ATOSA: variants seen among roughly 807,000 people sequenced by gnomAD.
ATOSA encodes atos homolog protein A.
the ATOSA span, among the ~76,000 whole-genome samples, chr15:52,629,062 C>T: frequency 6.6e-6 from 1 of 152,208 alleles, no homozygotes; most frequent in Non-Finnish European, 1.5e-5. Context: ...AGCCTTCAAT[C>T]TATAAGTGTC....
At chr15:52,693,480 G>C in the ATOSA span, among the ~76,000 whole-genome samples, 1 of 152,152 alleles carries the variant, frequency 6.6e-6, no homozygotes, top group African/African-American at 2.4e-5. Context: ...TAGTACTGTG[G>C]TTGGATATAT....
chr15:52,609,010 T>G, the ATOSA span: 1 of 1,613,330 alleles, frequency 6.2e-7, no homozygotes, highest in Non-Finnish European at 8.5e-7. Context: ...ATCAATTCCA[T>G]TGCTCATTTC....
At chr15:52,652,509 T>A in the ATOSA span, among the ~76,000 whole-genome samples, 3 of 152,200 alleles carry the variant, frequency 2.0e-5, no homozygotes, top group African/African-American at 7.2e-5. Context: ...GAACTTTATA[T>A]AAAGTATTTT....
the ATOSA span, among the ~76,000 whole-genome samples, chr15:52,583,390 GTCATTCATTCAT>G: frequency 1.3e-5 from 2 of 150,872 alleles, no homozygotes; most frequent in Admixed American, 6.6e-5. Flanking sequence ...TTCATACCAT[GTCATTCATTCAT>G]TCATTCATTC....
chr15:52,665,465 C>T, the ATOSA span, among the ~76,000 whole-genome samples: 3 of 152,114 alleles, frequency 2.0e-5, no homozygotes, highest in Non-Finnish European at 4.4e-5. Context: ...GTGAGTTTTG[C>T]TCATACATTA....
chr15:52,609,194 CT>C, the ATOSA span: 2 of 1,612,810 alleles, frequency 1.2e-6, no homozygotes, highest in Non-Finnish European at 1.7e-6. Context: ...GAACACTTTT[CT>C]TTACTATTAT....
At chr15:52,704,082 A>C in the ATOSA span, among the ~76,000 whole-genome samples, 3 of 152,170 alleles carry the variant, frequency 2.0e-5, no homozygotes, top group Non-Finnish European at 2.9e-5. Context: ...AAAAAGAAAA[A>C]TAGGAAGGAC....
the ATOSA span, among the ~76,000 whole-genome samples, chr15:52,697,902 C>T: frequency 1.3e-5 from 2 of 149,714 alleles, no homozygotes; most frequent in Admixed American, 6.7e-5. Context: ...ACTACCACCC[C>T]AGAAAGGCTC....
the ATOSA span, among the ~76,000 whole-genome samples, chr15:52,616,881 C>T: frequency 2.6e-5 from 4 of 152,150 alleles, no homozygotes; most frequent in African/African-American, 7.2e-5. Flanking sequence ...TGATTCCTGA[C>T]AATGTTCCAG....
At chr15:52,706,333 A>G in the ATOSA span, among the ~76,000 whole-genome samples, 1 of 152,236 alleles carries the variant, frequency 6.6e-6, no homozygotes, top group African/African-American at 2.4e-5. Flanking sequence ...GATCTTGACT[A>G]GCCTCAGTCT....
the ATOSA span, among the ~76,000 whole-genome samples, chr15:52,680,229 C>T: frequency 1.3e-5 from 2 of 151,990 alleles, no homozygotes; most frequent in Admixed American, 1.3e-4. Context: ...TGACAGGAAT[C>T]TGCTGTACTT....
At chr15:52,665,380 C>T in the ATOSA span, among the ~76,000 whole-genome samples, 2 of 152,130 alleles carry the variant, frequency 1.3e-5, no homozygotes, top group South Asian at 2.1e-4. Context: ...AAACAAGATA[C>T]AAATCAGATA....
At chr15:52,685,835 G>A in the ATOSA span, among the ~76,000 whole-genome samples, 1 of 152,178 alleles carries the variant, frequency 6.6e-6, no homozygotes, top group African/African-American at 2.4e-5. Context: ...AGCCTCTGGA[G>A]TAGGTAGGCC....
the ATOSA span, among the ~76,000 whole-genome samples, chr15:52,591,859 C>T: frequency 2.6e-4 from 39 of 152,176 alleles, no homozygotes; most frequent in African/African-American, 7.7e-4. Flanking sequence ...GTGAAGGGGG[C>T]CTCTTCTTTC....
At chr15:52,626,152 T>C in the ATOSA span, among the ~76,000 whole-genome samples, 1 of 152,192 alleles carries the variant, frequency 6.6e-6, no homozygotes, top group Non-Finnish European at 1.5e-5. Flanking sequence ...AATCCTAAAT[T>C]TGTAAAATCA....
the ATOSA span, chr15:52,679,256 GC>G: frequency 6.5e-6 from 1 of 154,064 alleles, no homozygotes; most frequent in Non-Finnish European, 1.4e-5. Context: ...CCCGCCCGTA[GC>G]CCCGGCCGGC....
At chr15:52,596,526 A>C in the ATOSA span, among the ~76,000 whole-genome samples, 2 of 152,342 alleles carry the variant, frequency 1.3e-5, no homozygotes, top group African/African-American at 4.8e-5. Context: ...GAGCTAATAC[A>C]AACTTTCAGA....
chr15:52,621,889 G>A, the ATOSA span, among the ~76,000 whole-genome samples: 10 of 148,354 alleles, frequency 6.7e-5, no homozygotes, highest in Admixed American at 1.4e-4. Context: ...TTGTTCTATC[G>A]CTCAGGCTGC....
chr15:52,678,898 C>G, the ATOSA span: 3 of 153,268 alleles, frequency 2.0e-5, no homozygotes, highest in Non-Finnish European at 4.4e-5. Flanking sequence ...GCCGGCTCCT[C>G]CGCTCCCTCG....
Sources: allele counts gnomAD v4.1 joint callset (sites outside exome capture counted in the v4.1 genomes callset), GRCh38; gene constraint gnomAD v4.1.1; transcripts MANE v1.5; gene names NCBI Gene and HGNC (gene_info 2026-07-23, HGNC 2026-07-21).